Variants in MAMDC2 observed in about 807,000 individuals in gnomAD.
MAMDC2 encodes MAM domain-containing protein 2.
In MAMDC2, 57 loss-of-function variants were observed where a neutral mutation model predicts 89.8. The observed-to-expected ratio is 0.63, with a 90% CI of 0.51 to 0.79. The LOEUF (loss-of-function observed/expected upper bound fraction) is 0.79, where lower values mean the gene tolerates loss of function less well. Ranked by LOEUF, MAMDC2 falls within the 30% of genes least tolerant of loss-of-function variation. MAMDC2 has a pLI of 0.00. For synonymous variants in MAMDC2, 313 were observed against 293.4 expected (o/e 1.07, Z -0.68); for missense variants, 800 against 820.6 (o/e 0.97, Z 0.31).
At chr9:70,131,371 C>T (rs1479415220) in intron 6 of MAMDC2, 148 bp from the exon 7 acceptor site, 1 of 595,078 alleles carries the variant, frequency 1.7e-6, no homozygotes, top group Non-Finnish European at 2.9e-6. Context: ...AGGGTGCTGC[C>T]CAAACTCATA....
intron 2 of MAMDC2, among the ~76,000 whole-genome samples, chr9:70,064,562 A>G (rs1441543537): frequency 6.6e-6 from 1 of 152,042 alleles, no homozygotes; most frequent in East Asian, 1.9e-4. Flanking sequence ...AGACAAAGAG[A>G]AGGGGTGTGT....
chr9:70,112,444 T>C (rs1828535365), intron 4 of MAMDC2, among the ~76,000 whole-genome samples: 1 of 152,172 alleles, frequency 6.6e-6, no homozygotes, highest in Admixed American at 6.5e-5. Context: ...AATTTTAGCA[T>C]CTCAGACACA....
chr9:70,190,334 G>A (rs1482302067), intron 11 of MAMDC2, among the ~76,000 whole-genome samples: 1 of 152,106 alleles, frequency 6.6e-6, no homozygotes, highest in Admixed American at 6.6e-5. Context: ...TCTTTGTTGT[G>A]TATGGCTCTG....
intron 11 of MAMDC2, among the ~76,000 whole-genome samples, chr9:70,212,607 T>C (rs969764502): frequency 6.6e-6 from 1 of 152,142 alleles, no homozygotes; most frequent in Non-Finnish European, 1.5e-5. Context: ...CTGCTTCAGC[T>C]CACACTCCGT....
rs1455280075 is a variant in MAMDC2, at chr9:70,044,058, G to A, written c.-140G>A. 3 of 995,270 alleles carry A rather than the reference G, an allele frequency of 3.0e-6. No homozygotes were observed. Among genetic ancestry groups the A allele is most frequent in the Non-Finnish European group, 4.6e-6 (3 of 658,472 alleles). 61.7% of individuals were successfully genotyped at this position (995,270 alleles called of 1,614,324 possible). On this transcript the variant is annotated 5_prime_UTR_variant, in exon 1 of 14. Coordinates refer to ENST00000377182, the MANE Select transcript of MAMDC2 (RefSeq NM_153267.5). ...GCTCTGCAAAGTTGGGCAGCTCAGA[G>A]CGCAAGCTTTGCCTCTCGACTTCTC...
chr9:70,200,685 C>G (rs2033083485), intron 11 of MAMDC2, among the ~76,000 whole-genome samples: 1 of 138,398 alleles, frequency 7.2e-6, no homozygotes, highest in Non-Finnish European at 1.6e-5. Context: ...TACCCATGAG[C>G]ATGGAATGTT....
At chr9:70,130,008 C>CTGTGTG (rs71364580) in intron 6 of MAMDC2, among the ~76,000 whole-genome samples, 4,783 of 147,140 alleles carry the variant, frequency 0.033, 119 homozygotes, top group African/African-American at 0.068. Flanking sequence ...ACATGGCATT[C>CTGTGTG]TGTGTGTGTG....
At chr9:70,205,671 C>A (rs1227839411) in intron 11 of MAMDC2, among the ~76,000 whole-genome samples, 1 of 152,112 alleles carries the variant, frequency 6.6e-6, no homozygotes, top group Non-Finnish European at 1.5e-5. Flanking sequence ...TCCATTGGAA[C>A]CCCCATCTTG....
intron 11 of MAMDC2, among the ~76,000 whole-genome samples, chr9:70,182,253 T>A (rs963760791): frequency 1.3e-5 from 2 of 152,316 alleles, no homozygotes; most frequent in Admixed American, 1.3e-4. Context: ...TGGATTCGGT[T>A]GGTCAGTATT....
At chr9:70,178,112 G>A (rs1368313080) in intron 11 of MAMDC2, among the ~76,000 whole-genome samples, 1 of 152,174 alleles carries the variant, frequency 6.6e-6, no homozygotes, top group African/African-American at 2.4e-5. Flanking sequence ...GCTCAATGTG[G>A]CTGATGTATT....
chr9:70,222,927 C>T (rs2033591316), intron 12 of MAMDC2, among the ~76,000 whole-genome samples: 1 of 151,886 alleles, frequency 6.6e-6, no homozygotes, highest in Admixed American at 6.6e-5. Flanking sequence ...TTTCTTGAGC[C>T]CAGGAGTTTG....
rs1266024222 is a variant in MAMDC2, at chr9:70,044,451, G to A, written c.35-133G>A. On this transcript the variant is annotated intron_variant, in intron 1 of 13. Transcript: ENST00000377182. The stretch of plus-strand genomic sequence containing the variant: ...GGCGCCCGGGGATGCTGGGGGACAG[G>A]TACTGCATCCCTCTCCCGCCCCCTC... 5 of 836,730 alleles carry A rather than the reference G, an allele frequency of 6.0e-6. No individual in the cohort carries two copies. The African/African-American group carries it at 6.8e-5, about 11-fold the overall frequency. 51.8% of individuals were successfully genotyped at this position (836,730 alleles called of 1,614,324 possible).
At chr9:70,214,018 T>G (rs1411770131) in intron 11 of MAMDC2, among the ~76,000 whole-genome samples, 1 of 152,166 alleles carries the variant, frequency 6.6e-6, no homozygotes, top group African/African-American at 2.4e-5. Context: ...ATTCAACAGA[T>G]ATTAATGAGC....
chr9:70,083,385 C>T (rs574415023), intron 2 of MAMDC2: 2 of 151,750 alleles, frequency 1.3e-5, no homozygotes, highest in African/African-American at 2.4e-5. Context: ...TATATCGTTG[C>T]TTTTATTAAA....
chr9:70,099,915 C>G (rs1415488807), intron 2 of MAMDC2, among the ~76,000 whole-genome samples: 1 of 149,376 alleles, frequency 6.7e-6, no homozygotes, highest in Non-Finnish European at 1.5e-5. Flanking sequence ...GTGGAGGTTG[C>G]AGTGAGCTGA....
In MAMDC2 at chr9:70,126,317, G is replaced by A. The variant is rs771655900; in HGVS notation, c.802G>A (p.Val268Met). The A allele has an allele frequency of 4.3e-6, 7 of 1,614,076 alleles. No individual in the cohort carries two copies. The South Asian group carries it at 4.4e-5, about 10-fold the overall frequency. The part of the protein sequence containing the change: ...DNVFSLYTRD[V>M]AGLYEEIWKA... ...TGTCTTTTCCCTTTACACTCGGGAT[G>A]TGGCTGGCCTTTACGAGGAAATCTG... is the stretch of plus-strand genomic sequence containing the variant. Residue 268 changes from valine to methionine, a missense_variant, in exon 6 of 14, where the codon GTG (valine) becomes ATG (methionine). Val to Met is a conservative substitution (Grantham distance 21). Coordinates refer to ENST00000377182, the MANE Select transcript of MAMDC2 (RefSeq NM_153267.5).
chr9:70,054,204 T>C (rs1290997082), intron 2 of MAMDC2, among the ~76,000 whole-genome samples: 1 of 152,192 alleles, frequency 6.6e-6, no homozygotes, highest in Admixed American at 6.5e-5. Context: ...TGGGAACCTT[T>C]AGCAGAAAGG....
At chr9:70,057,346 G>A (rs1350279806) in intron 2 of MAMDC2, among the ~76,000 whole-genome samples, 1 of 152,140 alleles carries the variant, frequency 6.6e-6, no homozygotes, top group Non-Finnish European at 1.5e-5. Flanking sequence ...TGCCTATCAA[G>A]TACGCTATTA....
chr9:70,221,951 G>A (rs2033573952), intron 12 of MAMDC2, among the ~76,000 whole-genome samples: 1 of 152,152 alleles, frequency 6.6e-6, no homozygotes, highest in African/African-American at 2.4e-5. Context: ...CAGCTTTAAG[G>A]TAATATTATC....
Sources: gnomAD v4.1 joint callset for allele counts (sites outside exome capture counted in the v4.1 genomes callset) on GRCh38, gnomAD v4.1.1 for gene constraint, MANE v1.5 for transcripts, NCBI Gene and HGNC (gene_info 2026-07-23, HGNC 2026-07-21) for gene names.